Variants in BNC2 observed in about 807,000 individuals in gnomAD.
BNC2 encodes the protein basonuclin zinc finger protein 2.
A neutral mutation model predicts 76.3 loss-of-function variants in BNC2; 20 were observed. The observed-to-expected ratio is 0.26, with a 90% confidence interval of 0.18 to 0.38. The LOEUF (loss-of-function observed/expected upper bound fraction) is 0.38. Ranked by LOEUF, BNC2 falls within the 10% of genes least tolerant of loss-of-function variation. The pLI is 1.00. For missense variants in BNC2, 1,382 were observed against 1,399.8 expected (o/e 0.99, Z 0.20); for synonymous variants, 582 against 514.8 (o/e 1.13, Z -1.77).
intron 1 of BNC2, among the ~76,000 whole-genome samples, chr9:16,782,597 A>G (rs933341676): frequency 2.6e-5 from 4 of 152,048 alleles, no homozygotes; most frequent in African/African-American, 7.2e-5. Flanking sequence ...CCACTGGCTG[A>G]CTCTGAAGAA....
At chr9:16,487,915 A>G (rs1414855311) in intron 5 of BNC2, among the ~76,000 whole-genome samples, 1 of 152,238 alleles carries the variant, frequency 6.6e-6, no homozygotes, top group East Asian at 1.9e-4. Context: ...ATATTTTACC[A>G]TAGATGGTGA....
In BNC2 at chr9:16,544,101, T is replaced by G. The variant is rs1031825549; in HGVS notation, c.669+8429A>C. Reference sequence around the variant, plus strand: ...TTACTTGGTATCAAATAATCCCCCCTTTATGTCAATTTTCTGGGTGATCTG... The same window carrying G: ...TTACTTGGTATCAAATAATCCCCCCGTTATGTCAATTTTCTGGGTGATCTG... On this transcript the variant is annotated intron_variant, in intron 5 of 6. Transcript: ENST00000380672. Among the ~76,000 whole-genome samples, 7 of 152,180 alleles carry G rather than the reference T, an allele frequency of 4.6e-5. No homozygotes were observed. The East Asian group carries it at 1.3e-3, about 29-fold the overall frequency.
intron 5 of BNC2, among the ~76,000 whole-genome samples, chr9:16,530,148 T>C (rs950735087): frequency 6.6e-6 from 1 of 151,952 alleles, no homozygotes; most frequent in Non-Finnish European, 1.5e-5. Context: ...GCCAAAAAAG[T>C]GAAGTGTTTT....
chr9:16,515,601 A>G (rs1822858673), intron 5 of BNC2, among the ~76,000 whole-genome samples: 1 of 152,026 alleles, frequency 6.6e-6, no homozygotes, highest in East Asian at 1.9e-4. Context: ...TCTGTCTCTA[A>G]TCATAAACAC....
At chr9:16,758,354 T>TG (rs1389463033) in intron 1 of BNC2, among the ~76,000 whole-genome samples, 1 of 49,188 alleles carries the variant, frequency 2.0e-5, no homozygotes, top group Non-Finnish European at 8.1e-5. Context: ...CTTTCCTTTT[T>TG]TTTTAGATGG....
At position 16,471,581 on chromosome 9, in the gene BNC2, T is replaced by C. The variant is rs546688386; in HGVS notation, c.670-34057A>G. On this transcript the variant is annotated intron_variant, in intron 5 of 6. Coordinates refer to ENST00000380672, the MANE Select transcript of BNC2 (RefSeq NM_017637.6). ...TGCCAGGATTACAGGCGTGAGCCAC[T>C]GCACCCAGCTGCTTGCTTTTGATTT... Among the ~76,000 whole-genome samples the C allele has an allele frequency of 2.4e-3, 370 of 152,276 alleles. 3 individuals carry two copies. Among genetic ancestry groups the C allele is most frequent in the African/African-American group, 8.0e-3 (334 of 41,560 alleles).
At chr9:16,502,347 C>G (rs532216009) in intron 5 of BNC2, among the ~76,000 whole-genome samples, 1 of 152,160 alleles carries the variant, frequency 6.6e-6, no homozygotes, top group East Asian at 1.9e-4. Context: ...GACTCTGTCT[C>G]TAACAACAAA....
intron 4 of BNC2, among the ~76,000 whole-genome samples, chr9:16,566,062 C>T (rs546926047): frequency 6.6e-6 from 1 of 152,252 alleles, no homozygotes; most frequent in South Asian, 2.1e-4. Flanking sequence ...TTCTTATTAA[C>T]TCCTCTAACT....
At chr9:16,598,830 C>T (rs984416615) in intron 3 of BNC2, among the ~76,000 whole-genome samples, 1 of 152,156 alleles carries the variant, frequency 6.6e-6, no homozygotes, top group Non-Finnish European at 1.5e-5. Flanking sequence ...TGGGCAATAC[C>T]TATTCCTTCT....
At chr9:16,767,229 A>G (rs911045596) in intron 1 of BNC2, among the ~76,000 whole-genome samples, 1 of 152,204 alleles carries the variant, frequency 6.6e-6, no homozygotes, top group African/African-American at 2.4e-5. Context: ...AATCTCAAGT[A>G]TTCATCAAGT....
intron 3 of BNC2, among the ~76,000 whole-genome samples, chr9:16,718,268 G>T (rs10733317): frequency 0.85 from 129,017 of 152,224 alleles, 55,430 homozygotes; most frequent in Non-Finnish European, 0.92. Flanking sequence ...CTTTCCGGCT[G>T]CCCGGCTGGC....
intron 3 of BNC2, among the ~76,000 whole-genome samples, chr9:16,717,071 T>C (rs1824013554): frequency 1.3e-5 from 2 of 152,204 alleles, no homozygotes. Context: ...ACAGTGTATT[T>C]CTTATGGGAA....
chr9:16,738,840 G>A (rs1278778408), intron 1 of BNC2, among the ~76,000 whole-genome samples: 3 of 6,946 alleles, frequency 4.3e-4, no homozygotes, highest in South Asian at 6.1e-3. Flanking sequence ...CCAGCCCCCC[G>A]CCCCGCTCCC....
chr9:16,870,568 C>T, intron 1 of BNC2, 78 bp downstream of exon 1: 1 of 1,553,332 alleles, frequency 6.4e-7, no homozygotes, highest in Non-Finnish European at 8.8e-7. Flanking sequence ...CCCCGGGCGG[C>T]CCCGGTGGCG....
chr9:16,548,148 G>C (rs989901416), intron 5 of BNC2, among the ~76,000 whole-genome samples: 1 of 152,176 alleles, frequency 6.6e-6, no homozygotes, highest in African/African-American at 2.4e-5. Flanking sequence ...CTGCAAATGA[G>C]AAGATTTCCA....
chr9:16,857,629 C>G (rs1819294990), intron 1 of BNC2, among the ~76,000 whole-genome samples: 1 of 151,404 alleles, frequency 6.6e-6, no homozygotes, highest in African/African-American at 2.4e-5. Flanking sequence ...TACGTAAACA[C>G]TTATGATGAA....
intron 3 of BNC2, among the ~76,000 whole-genome samples, chr9:16,710,072 T>G (rs1823791393): frequency 6.6e-6 from 1 of 152,018 alleles, no homozygotes; most frequent in Non-Finnish European, 1.5e-5. Context: ...TGTAAATGAA[T>G]GCTGATGAAT....
chr9:16,591,791 C>T (rs995940758), intron 3 of BNC2, among the ~76,000 whole-genome samples: 4 of 152,120 alleles, frequency 2.6e-5, no homozygotes, highest in South Asian at 4.1e-4. Context: ...AAAAGTATGT[C>T]TCTTATTTGG....
At chr9:16,514,564 T>G (rs186317607) in intron 5 of BNC2, among the ~76,000 whole-genome samples, 126 of 152,320 alleles carry the variant, frequency 8.3e-4, no homozygotes, top group Non-Finnish European at 1.6e-3. Flanking sequence ...GTACTAGCAA[T>G]CTGTTATCTG....
Sources: gnomAD v4.1 joint callset for allele counts (sites outside exome capture counted in the v4.1 genomes callset) on GRCh38, gnomAD v4.1.1 for gene constraint, MANE v1.5 for transcripts, NCBI Gene and HGNC (gene_info 2026-07-23, HGNC 2026-07-21) for gene names.